The following IMMP2L variants were observed in gnomAD, a reference collection of about 807,000 sequenced individuals.
IMMP2L encodes mitochondrial inner membrane protease subunit 2.
A neutral mutation model predicts 19.3 loss-of-function variants in IMMP2L; 18 were observed. That is an observed-to-expected ratio of 0.93 (90% confidence interval 0.64 to 1.38). The LOEUF (loss-of-function observed/expected upper bound fraction) is 1.38, where lower values mean the gene tolerates loss of function less well. Among genes scored for constraint, IMMP2L ranks in the 40% most tolerant of loss-of-function variants. The pLI, the probability that IMMP2L is intolerant of heterozygous loss-of-function variation, is 0.00. For missense variants in IMMP2L, 233 were observed against 218.2 expected (o/e 1.07, Z -0.43); for synonymous variants, 76 against 73.0 (o/e 1.04, Z -0.21).
intron 4 of IMMP2L, among the ~76,000 whole-genome samples, chr7:110,938,171 A>G (rs1388475196): frequency 6.6e-6 from 1 of 152,154 alleles, no homozygotes; most frequent in East Asian, 1.9e-4. Context: ...AATAGGATCT[A>G]CCATCCTTAA....
intron 3 of IMMP2L, chr7:111,124,226 G>A (rs1357818004): frequency 1.2e-6 from 2 of 1,613,912 alleles, no homozygotes; most frequent in Admixed American, 1.7e-5. Flanking sequence ...GATATAAATG[G>A]CGTAACTCCC....
At chr7:111,392,764 T>G (rs1832486885) in intron 3 of IMMP2L, 1 of 456,470 alleles carries the variant, frequency 2.2e-6, no homozygotes, top group African/African-American at 2.0e-5. Flanking sequence ...AGTAATTTGC[T>G]AGAGTGGTCA....
chr7:111,026,087 TC>T (rs1273029177), intron 3 of IMMP2L, among the ~76,000 whole-genome samples: 3 of 152,226 alleles, frequency 2.0e-5, no homozygotes, highest in Non-Finnish European at 4.4e-5. Flanking sequence ...GTCATTGTTA[TC>T]AAACTCTCAA....
At chr7:111,341,950 C>T (rs1460621578) in intron 3 of IMMP2L, among the ~76,000 whole-genome samples, 1 of 152,102 alleles carries the variant, frequency 6.6e-6, no homozygotes, top group Non-Finnish European at 1.5e-5. Flanking sequence ...TGGCCCTCAC[C>T]AGATGCCAGC....
Position 111,446,549 on chromosome 7 carries a change from C to G in IMMP2L, c.239+40689G>C, listed in dbSNP as rs1488903095. On this transcript the variant is annotated intron_variant, in intron 3 of 5. Transcript: ENST00000405709. ...CAGAAAGGACATCCACACCGAAAAC[C>G]CATCTGTACATCACCATCATCAAAG... Among the ~76,000 whole-genome samples the G allele has an allele frequency of 7.6e-3, 1,156 of 151,218 alleles. 18 individuals are homozygous for G. Among genetic ancestry groups the G allele is most frequent in the African/African-American group, 0.027 (1,112 of 40,670 alleles).
At chr7:111,544,068 T>TA (rs34376370) in intron 1 of IMMP2L, among the ~76,000 whole-genome samples, 2 of 152,068 alleles carry the variant, frequency 1.3e-5, no homozygotes, top group Admixed American at 6.6e-5. Context: ...AGTATGGCTC[T>TA]AAAAAAGGAT....
At chr7:110,688,854 T>G (rs1258419438) in intron 5 of IMMP2L, among the ~76,000 whole-genome samples, 1 of 151,354 alleles carries the variant, frequency 6.6e-6, no homozygotes, top group Non-Finnish European at 1.5e-5. Flanking sequence ...TATGTATGTA[T>G]GTATATACAC....
At chr7:111,267,034 C>T (rs138250276) in intron 3 of IMMP2L, among the ~76,000 whole-genome samples, 98 of 152,218 alleles carry the variant, frequency 6.4e-4, no homozygotes, top group African/African-American at 2.1e-3. Flanking sequence ...TTAACTGATT[C>T]AATACCATGT....
intron 3 of IMMP2L, among the ~76,000 whole-genome samples, chr7:111,068,142 T>G (rs2129575077): frequency 6.6e-6 from 1 of 152,274 alleles, no homozygotes; most frequent in Admixed American, 6.5e-5. Flanking sequence ...TCAGCAAATG[T>G]ATACACACTC....
intron 5 of IMMP2L, among the ~76,000 whole-genome samples, chr7:110,804,110 C>G (rs1475574415): frequency 6.6e-6 from 1 of 151,976 alleles, no homozygotes; most frequent in Non-Finnish European, 1.5e-5. Flanking sequence ...TGTAAACACT[C>G]TAAAAAGAAA....
intron 5 of IMMP2L, among the ~76,000 whole-genome samples, chr7:110,879,164 A>G (rs1585116079): frequency 6.6e-6 from 1 of 151,952 alleles, no homozygotes; most frequent in Non-Finnish European, 1.5e-5. Flanking sequence ...GCTGAGGTGG[A>G]TGGATCAATT....
At chr7:111,420,569 C>T (rs2131595177) in intron 3 of IMMP2L, among the ~76,000 whole-genome samples, 1 of 145,358 alleles carries the variant, frequency 6.9e-6, no homozygotes, top group Non-Finnish European at 1.5e-5. Context: ...CCCCCACCCC[C>T]CGATAGTCCC....
At chr7:110,962,886 G>C (rs1036541817) in intron 4 of IMMP2L, 3 of 1,320,184 alleles carry the variant, frequency 2.3e-6, no homozygotes, top group Admixed American at 3.6e-5. Context: ...TAAAGAAAGC[G>C]ATCACAATGA....
chr7:111,100,777 A>G (rs1182893768), intron 3 of IMMP2L, among the ~76,000 whole-genome samples: 1 of 151,472 alleles, frequency 6.6e-6, no homozygotes, highest in Non-Finnish European at 1.5e-5. Context: ...GGATTTATGA[A>G]CATCTAAGAT....
At chr7:111,133,585 T>C (rs1006404260) in intron 3 of IMMP2L, among the ~76,000 whole-genome samples, 1 of 151,994 alleles carries the variant, frequency 6.6e-6, no homozygotes, top group Non-Finnish European at 1.5e-5. Flanking sequence ...GTGCTAACCA[T>C]GTTAGAAACC....
intron 3 of IMMP2L, among the ~76,000 whole-genome samples, chr7:111,358,845 T>G (rs899399476): frequency 6.6e-6 from 1 of 152,046 alleles, no homozygotes; most frequent in African/African-American, 2.4e-5. Context: ...GAAATCAAGA[T>G]AGTAAAGGAA....
At chr7:111,557,948 C>CT (rs1040557296) in intron 1 of IMMP2L, among the ~76,000 whole-genome samples, 3 of 152,122 alleles carry the variant, frequency 2.0e-5, no homozygotes, top group Admixed American at 1.3e-4. Flanking sequence ...GTACAGACAT[C>CT]TTTAGTACAG....
intron 3 of IMMP2L, among the ~76,000 whole-genome samples, chr7:111,011,474 T>C (rs1824948009): frequency 6.6e-6 from 1 of 152,112 alleles, no homozygotes; most frequent in Admixed American, 6.6e-5. Flanking sequence ...AAAAACAATT[T>C]TCTGAAGAAA....
intron 3 of IMMP2L, among the ~76,000 whole-genome samples, chr7:111,270,101 T>TC (rs1818296895): frequency 6.9e-6 from 1 of 145,466 alleles, no homozygotes; most frequent in African/African-American, 2.6e-5. Flanking sequence ...GTGTGTATCC[T>TC]CCCCACTGAT....
Sources: allele counts gnomAD v4.1 joint callset (sites outside exome capture counted in the v4.1 genomes callset), GRCh38; gene constraint gnomAD v4.1.1; transcripts MANE v1.5; gene names NCBI Gene and HGNC (gene_info 2026-07-23, HGNC 2026-07-21).